The following MOV10 variants were observed in gnomAD, a reference collection of about 807,000 sequenced individuals.
MOV10 encodes Mov10 RNA helicase, also known as RNA helicase MOV-10.
In MOV10, 39 loss-of-function variants were observed where a neutral mutation model predicts 108.4. The ratio of observed to expected loss-of-function variants is 0.36; its 90% CI spans 0.28 to 0.47. The LOEUF is 0.47. Ranked by LOEUF, MOV10 falls within the 20% of genes least tolerant of loss-of-function variation. The probability of loss-of-function intolerance (pLI) is 1.00; values close to 1 mark genes in which losing one functional copy is unlikely to be tolerated. For missense variants in MOV10, 952 were observed against 1,297.6 expected, an observed-to-expected ratio of 0.73 and a Z score of 4.09; for synonymous variants, 490 against 523.1, an observed-to-expected ratio of 0.94 and a Z score of 0.86.
At position 112,675,123 on chromosome 1, in the gene MOV10, T is replaced by C. The variant is rs1672079900; in HGVS notation, c.137+74T>C. On this transcript the variant is annotated intron_variant, in intron 2 of 20. Coordinates refer to ENST00000369645, the MANE Select transcript of MOV10 (RefSeq NM_001321324.2). This position sits in a 1 kb window ranked among gnomAD's most constrained non-coding sequence, Gnocchi z 4.7. ...CCACGACCCCCGCGCGAGGGCCACC[T>C]TTCCCGCCCCGGGGCGCAGAGGGAC... 1 of 1,539,802 alleles carries C rather than the reference T, an allele frequency of 6.5e-7. No homozygotes were observed. Among genetic ancestry groups the C allele is most frequent in the Non-Finnish European group, 8.8e-7 (1 of 1,142,660 alleles).
In MOV10 at chr1:112,699,825, CG is replaced by C. The variant is rs1557774377; in HGVS notation, c.2709+19del. The stretch of plus-strand genomic sequence containing the variant: ...AGAACCCCAAGGTTTGAGGGCTGGT[CG>C]GGGTGGCAGGAATTCTTCCATTCTC... On this transcript the variant is annotated intron_variant, in intron 18 of 20. Coordinates refer to ENST00000369645, the MANE Select transcript of MOV10 (RefSeq NM_001321324.2). 1.2e-6 allele frequency: 2 copies of C among 1,614,104 alleles called. No homozygotes were observed. Among genetic ancestry groups the C allele is most frequent in the Non-Finnish European group, 1.7e-6 (2 of 1,179,960 alleles).
At position 112,674,922 on chromosome 1, in the gene MOV10, A is replaced by G; in HGVS notation, c.10A>G (p.Lys4Glu). The part of the protein sequence containing the change: MPS[K>E]FSCRQLREAG... ...CGCAGCCGCCGCCGCGATGCCCAGT[A>G]AGTTCAGCTGCCGGCAGCTCCGGGA... Residue 4 changes from lysine (K) to glutamate (E), a missense_variant, in exon 2 of 21, where the codon AAG becomes GAG. Coordinates refer to ENST00000369645, the MANE Select transcript of MOV10 (RefSeq NM_001321324.2). The G allele has an allele frequency of 1.3e-6, 2 of 1,578,224 alleles. No individual in the cohort carries two copies. Among genetic ancestry groups the G allele is most frequent in the Non-Finnish European group, 1.7e-6 (2 of 1,163,920 alleles).
intron 2 of MOV10, among the ~76,000 whole-genome samples, chr1:112,687,808 G>A (rs1269551019): frequency 2.6e-5 from 4 of 152,036 alleles, no homozygotes; most frequent in African/African-American, 7.2e-5. Flanking sequence ...GGTAAGTCTC[G>A]CTTTCCTCCA....
intron 17 of MOV10, chr1:112,698,996 A>C: frequency 1.7e-6 from 1 of 582,734 alleles, no homozygotes; most frequent in Non-Finnish European, 3.1e-6. Context: ...CATGTTTAAC[A>C]AACACCTCCT....
intron 12 of MOV10, 75 bp from the exon 13 acceptor site, chr1:112,696,362 G>A: frequency 1.4e-6 from 2 of 1,447,358 alleles, no homozygotes; most frequent in Non-Finnish European, 1.9e-6. Context: ...GTGCTGAGAA[G>A]CCAGCCTGGG....
chr1:112,700,362 G>A, intron 20 of MOV10, 22 bp downstream of exon 20: 2 of 1,614,210 alleles, frequency 1.2e-6, no homozygotes, highest in East Asian at 2.2e-5. Flanking sequence ...CCAGGGTGGG[G>A]ACAGTGCCAG....
At position 112,695,433 on chromosome 1, in the gene MOV10, C is replaced by CA; in HGVS notation, c.1641dup (p.Ala548SerfsTer14). 6.2e-7 allele frequency: 1 copy of CA among 1,614,108 alleles called. No homozygotes were observed. Among genetic ancestry groups the CA allele is most frequent in the Non-Finnish European group, 8.5e-7 (1 of 1,179,974 alleles). The stretch of plus-strand genomic sequence containing the variant: ...CATCTCAGGTGGTGAAGCACTTGCC[C>CA]AAAGCCCACATCTTGGCCTGCGCTC... On this transcript the variant is annotated frameshift_variant, in exon 11 of 21. Transcript: ENST00000369645. LOFTEE classifies it high-confidence loss of function.
chr1:112,684,262 ATTTTTT>A (rs71084487), intron 2 of MOV10, among the ~76,000 whole-genome samples: 3 of 93,838 alleles, frequency 3.2e-5, no homozygotes, highest in South Asian at 3.5e-4. Flanking sequence ...AGTCCCTGGG[ATTTTTT>A]TTTTTTTTTT....
In MOV10 at chr1:112,696,130, TC is replaced by T; in HGVS notation, c.1780-15del. The stretch of plus-strand genomic sequence containing the variant: ...AGTGGAGCCAAGCTGATTCCTCTGG[TC>T]CCTTCACAATCCACAGCCCTGCTGC... On this transcript the variant is annotated splice_polypyrimidine_tract_variant and intron_variant, in intron 11 of 20. Transcript: ENST00000369645. 6.4e-7 allele frequency: 1 copy of T among 1,571,034 alleles called. No individual in the cohort carries two copies.
chr1:112,696,055 A>G, intron 11 of MOV10, 93 bp from the exon 12 acceptor site: 1 of 867,790 alleles, frequency 1.2e-6, no homozygotes, highest in Non-Finnish European at 1.9e-6. Context: ...AAAAAAATAA[A>G]AATAATTGTT....
intron 2 of MOV10, among the ~76,000 whole-genome samples, chr1:112,686,031 C>T (rs993390925): frequency 1.3e-5 from 2 of 152,140 alleles, no homozygotes; most frequent in African/African-American, 4.8e-5. Context: ...CCCTACTGGC[C>T]CCGTTCGAAG....
rs758061672 is a variant in MOV10 at position 112,698,752 on chromosome 1, G to C, written c.2546G>C (p.Arg849Thr). The C allele has an allele frequency of 6.2e-7, 1 of 1,614,174 alleles. No homozygotes were observed. Among genetic ancestry groups the C allele is most frequent in the African/African-American group, 1.3e-5 (1 of 75,056 alleles). Residue 849 changes from arginine (R) to threonine (T), a missense_variant, in exon 17 of 21, where the codon AGG becomes ACG. By Grantham distance (71) the Arg-to-Thr change is moderately conservative. Coordinates refer to ENST00000369645, the MANE Select transcript of MOV10 (RefSeq NM_001321324.2). ...KIRYCITKLDRELRGLDDIKD... is the reference protein window; with the variant it reads ...KIRYCITKLDTELRGLDDIKD... ...CGTTACTGCATCACCAAACTTGACA[G>C]GGAGCTTCGAGGACTGGATGACATC...
chr1:112,692,718 C>G (rs1056814532), intron 6 of MOV10, 43 bp from the exon 7 acceptor site: 1 of 1,608,160 alleles, frequency 6.2e-7, no homozygotes, highest in Non-Finnish European at 8.5e-7. Context: ...TCTGGCCCAT[C>G]CTGTTCCTGC....
In MOV10 at chr1:112,689,122, A is replaced by G; in HGVS notation, c.325A>G (p.Lys109Glu). ...CAAACACCACAAGTCACTGCTAGCCAAGATCTTTTATGACAGGTGTGTGTG... is the reference window on the plus strand; with the variant it reads ...CAAACACCACAAGTCACTGCTAGCCGAGATCTTTTATGACAGGTGTGTGTG... ...ISKHHKSLLA[K>E]IFYDRAEYLH... The change falls in exon 3 of 21, where the codon AAG (lysine) becomes GAG (glutamate). Residue 109 changes from lysine to glutamate, a missense_variant. Coordinates refer to ENST00000369645, the MANE Select transcript of MOV10 (RefSeq NM_001321324.2). 2 of 1,603,464 alleles carry G rather than the reference A, an allele frequency of 1.2e-6. No individual in the cohort carries two copies. The highest frequency in any genetic ancestry group is 1.1e-5 in the South Asian group (1 of 90,040).
intron 2 of MOV10, chr1:112,688,341 C>T (rs1673257343): frequency 1.0e-6 from 1 of 989,912 alleles, no homozygotes; most frequent in Non-Finnish European, 1.2e-6. Context: ...CAAAGCCAGG[C>T]TATTTGATCT....
Position 112,689,039 on chromosome 1 carries a change from G to T in MOV10, c.242G>T (p.Arg81Leu). The change falls in exon 3 of 21, where the codon CGC becomes CTC. Residue 81 changes from arginine (R) to leucine (L), a missense_variant. By Grantham distance (102) the Arg-to-Leu change is moderately radical (BLOSUM62 -2). Transcript: ENST00000369645. Reference sequence around the variant, plus strand: ...CGGGTCAGGTTCTTCAGACTCGACCGCTGGGCCGACGTGCGGTTCCCAGAA... The same window carrying T: ...CGGGTCAGGTTCTTCAGACTCGACCTCTGGGCCGACGTGCGGTTCCCAGAA... ...KTRVRFFRLDRWADVRFPEKR... is the reference protein window; with the variant it reads ...KTRVRFFRLDLWADVRFPEKR... 1 of 1,612,650 alleles carries T rather than the reference G, an allele frequency of 6.2e-7. No individual in the cohort carries two copies.
At chr1:112,677,617 C>G (rs187980938) in intron 2 of MOV10, among the ~76,000 whole-genome samples, 6 of 152,190 alleles carry the variant, frequency 3.9e-5, no homozygotes, top group Non-Finnish European at 1.5e-5. Flanking sequence ...ATTATGCTAG[C>G]CACGCAAATG....
At chr1:112,693,681 T>C (rs1167706489) in intron 7 of MOV10, 1 of 157,826 alleles carries the variant, frequency 6.3e-6, no homozygotes, top group Non-Finnish European at 1.4e-5. Context: ...TTTTTTTTTT[T>C]TTTTTTAATT....
chr1:112,675,193 C>T lies in MOV10; in HGVS notation c.137+144C>T. The stretch of plus-strand genomic sequence containing the variant: ...AGGCCAGTCCCGGGGCGGCGCAGAC[C>T]TCCCCTCCCGCGCCTCGCCCACGCC... On this transcript the variant is annotated intron_variant, in intron 2 of 20. Transcript: ENST00000369645. The surrounding 1 kb of genome is among the most constrained non-coding windows in gnomAD (Gnocchi z 4.7). 1 of 885,166 alleles carries T rather than the reference C, an allele frequency of 1.1e-6. No homozygotes were observed. The highest frequency in any genetic ancestry group is 1.6e-6 in the Non-Finnish European group (1 of 630,286). 54.8% of individuals were successfully genotyped at this position (885,166 alleles called of 1,614,324 possible). A position where few individuals can be genotyped will look rare whatever the true frequency, so the allele number is the denominator to read the frequency against.
Sources: gnomAD v4.1 joint callset for allele counts (sites outside exome capture counted in the v4.1 genomes callset) on GRCh38, gnomAD v4.1.1 for gene constraint, Gnocchi (gnomAD v3.1) non-coding constraint, MANE v1.5 for transcripts, NCBI Gene and HGNC (gene_info 2026-07-23, HGNC 2026-07-21) for gene names.